The following AKAP13 variants were observed in gnomAD, a reference collection of about 807,000 sequenced individuals.
AKAP13 encodes A-kinase anchoring protein 13.
AKAP13 carries 80 observed loss-of-function variants against 264.5 expected under a neutral mutation model. That is an observed-to-expected ratio of 0.30 (90% CI 0.25 to 0.36). The LOEUF (loss-of-function observed/expected upper bound fraction) is 0.36. Ranked by LOEUF, AKAP13 falls within the 10% of genes least tolerant of loss-of-function variation. The pLI is 1.00. For synonymous variants in AKAP13, 1,380 were observed against 1,250.2 expected (o/e 1.10, Z -2.19); for missense variants, 3,712 against 3,435.2 (o/e 1.08, Z -2.01).
intron 29 of AKAP13, 62 bp from the exon 30 acceptor site, chr15:85,730,451 T>G (rs770113828): frequency 1.1e-5 from 17 of 1,549,314 alleles, no homozygotes; most frequent in Non-Finnish European, 1.5e-5. Flanking sequence ...TGCTCGTGTC[T>G]TAGTCATTCT....
chr15:85,472,829 A>G (rs2075008069), intron 1 of AKAP13, among the ~76,000 whole-genome samples: 1 of 152,266 alleles, frequency 6.6e-6, no homozygotes, highest in Admixed American at 6.5e-5. Context: ...GAAAAGATAA[A>G]TAGCACTTAT....
chr15:85,664,379 G>T (rs958772011), intron 12 of AKAP13, among the ~76,000 whole-genome samples, 184 bp from the exon 13 acceptor site: 2 of 152,150 alleles, frequency 1.3e-5, no homozygotes, highest in Non-Finnish European at 2.9e-5. Context: ...TTCTTTCTCA[G>T]TATTCCAAGA....
chr15:85,623,404 A>G (rs941733006), intron 8 of AKAP13, among the ~76,000 whole-genome samples: 1 of 152,222 alleles, frequency 6.6e-6, no homozygotes, highest in African/African-American at 2.4e-5. Context: ...TCCACATTTA[A>G]CAACTCCAAT....
At chr15:85,458,393 G>GT (rs4037636) in intron 1 of AKAP13, among the ~76,000 whole-genome samples, 14,216 of 120,588 alleles carry the variant, frequency 0.12, 980 homozygotes, top group East Asian at 0.31. Context: ...TTTGTTTTTT[G>GT]TTTTTTTTTT....
At chr15:85,574,783 G>A (rs72758680) in intron 5 of AKAP13, among the ~76,000 whole-genome samples, 1,739 of 152,240 alleles carry the variant, frequency 0.011, 18 homozygotes, top group Non-Finnish European at 0.017. Context: ...AATAAGCCTT[G>A]ATTTTGTTGA....
intron 1 of AKAP13, among the ~76,000 whole-genome samples, chr15:85,458,393 G>GTTTTTTTT (rs4037636): frequency 2.0e-4 from 24 of 120,620 alleles, no homozygotes; most frequent in East Asian, 1.1e-3. Flanking sequence ...TTTGTTTTTT[G>GTTTTTTTT]TTTTTTTTTT....
At chr15:85,633,849 T>G (rs2081967479) in intron 8 of AKAP13, among the ~76,000 whole-genome samples, 1 of 152,116 alleles carries the variant, frequency 6.6e-6, no homozygotes, top group Admixed American at 6.6e-5. Context: ...CGGCCTTTTT[T>G]TTTTAAAAAG....
intron 2 of AKAP13, among the ~76,000 whole-genome samples, chr15:85,488,477 C>G (rs1174890232): frequency 6.6e-6 from 1 of 152,150 alleles, no homozygotes. Flanking sequence ...GATGGCTTCC[C>G]CAAATTTATT....
intron 8 of AKAP13, among the ~76,000 whole-genome samples, chr15:85,634,723 T>G (rs747948455): frequency 6.6e-6 from 1 of 152,174 alleles, no homozygotes; most frequent in Non-Finnish European, 1.5e-5. Context: ...TGTCTCCCTG[T>G]AGTCAGTCTT....
At chr15:85,560,626 T>A (rs1230368509) in intron 5 of AKAP13, among the ~76,000 whole-genome samples, 2 of 151,900 alleles carry the variant, frequency 1.3e-5, no homozygotes, top group East Asian at 3.9e-4. Context: ...TTTTATCTAT[T>A]TCTATGGTCT....
rs1179573253 is a variant in AKAP13, at chr15:85,655,619, A to G, written c.4577A>G (p.Glu1526Gly). ...GCTGAGGGTCGAGAAAGTGAGAGTG[A>G]GCCTGCTGACCCAGGCGACGTGGAG... The part of the protein sequence containing the change: ...MGAEGRESES[E>G]PADPGDVEEE... Residue 1526 changes from glutamate to glycine, a missense_variant, in exon 11 of 37, where the codon GAG becomes GGG. By Grantham distance (98) the Glu-to-Gly change is moderately conservative. This residue lies in a region of AKAP13 where 2,759 missense variants were observed against 2,411.7 expected (regional missense o/e 1.14). Transcript: ENST00000394518. The G allele has an allele frequency of 6.2e-7, 1 of 1,614,120 alleles. No individual in the cohort carries two copies. The highest frequency in any genetic ancestry group is 1.3e-5 in the African/African-American group (1 of 74,942).
chr15:85,477,233 G>A (rs370601285), intron 1 of AKAP13, among the ~76,000 whole-genome samples: 3 of 151,812 alleles, frequency 2.0e-5, no homozygotes, highest in Non-Finnish European at 4.4e-5. Context: ...TCAGAGGTGC[G>A]AGTGGGGCAT....
At chr15:85,526,702 C>A (rs1190343529) in intron 3 of AKAP13, among the ~76,000 whole-genome samples, 1 of 152,174 alleles carries the variant, frequency 6.6e-6, no homozygotes, top group African/African-American at 2.4e-5. Flanking sequence ...TCTGACACCC[C>A]CCATCCCCCA....
intron 10 of AKAP13, among the ~76,000 whole-genome samples, chr15:85,650,647 T>A (rs1240310412): frequency 6.8e-6 from 1 of 148,060 alleles, no homozygotes. Context: ...TCCCAGCTAC[T>A]CAGGAGGCTG....
At chr15:85,660,164 GA>G (rs2083274009) in intron 12 of AKAP13, among the ~76,000 whole-genome samples, 1 of 151,818 alleles carries the variant, frequency 6.6e-6, no homozygotes. Context: ...ACCTGCCTGG[GA>G]AACATGGTGA....
In AKAP13 at chr15:85,581,097, A is replaced by G. The variant is rs2079135829; in HGVS notation, c.3029A>G (p.Gln1010Arg). Reference sequence around the variant, plus strand: ...GCCCCACAAGTCTCACTGCTGACTCAAGGTGGGGCTGCCCAGAGCCTGGTG... The same window carrying G: ...GCCCCACAAGTCTCACTGCTGACTCGAGGTGGGGCTGCCCAGAGCCTGGTG... ...EVAPQVSLLT[Q>R]GGAAQSLVPP... is the part of the protein sequence containing the mutation. Residue 1010 changes from glutamine to arginine, a missense_variant, in exon 7 of 37, where the codon CAA becomes CGA. Gln to Arg is a conservative substitution (Grantham distance 43). This residue lies in a region of AKAP13 where 2,759 missense variants were observed against 2,411.7 expected (regional missense o/e 1.14). Transcript: ENST00000394518. 4.3e-6 allele frequency: 7 copies of G among 1,613,978 alleles called. No individual in the cohort carries two copies. The highest frequency in any genetic ancestry group is 5.1e-6 in the Non-Finnish European group (6 of 1,179,892).
intron 1 of AKAP13, among the ~76,000 whole-genome samples, chr15:85,447,247 C>CA (rs1288565065): frequency 6.6e-6 from 1 of 151,926 alleles, no homozygotes; most frequent in Non-Finnish European, 1.5e-5. Flanking sequence ...AGCCTGGTGA[C>CA]AGAGTGAGAT....
intron 2 of AKAP13, among the ~76,000 whole-genome samples, chr15:85,487,321 A>G (rs1360935980): frequency 6.6e-6 from 1 of 152,192 alleles, no homozygotes; most frequent in African/African-American, 2.4e-5. Context: ...GAGCGCAAAC[A>G]TCCTTGTCTT....
chr15:85,689,548 A>G (rs2085151567), intron 16 of AKAP13, among the ~76,000 whole-genome samples: 1 of 152,252 alleles, frequency 6.6e-6, no homozygotes, highest in South Asian at 2.1e-4. Flanking sequence ...GCATTTTGCC[A>G]GTTGTTAAAC....
Sources: allele counts gnomAD v4.1 joint callset (sites outside exome capture counted in the v4.1 genomes callset), GRCh38; gene constraint gnomAD v4.1.1; regional missense constraint gnomAD v4.1.1; transcripts MANE v1.5; gene names NCBI Gene and HGNC (gene_info 2026-07-23, HGNC 2026-07-21).